Variants in SUSD6 observed in about 807,000 individuals in gnomAD.
SUSD6 encodes sushi domain containing 6, also known as sushi domain-containing protein 6.
In SUSD6, 16 loss-of-function variants were observed where a neutral mutation model predicts 28.4. That is an observed-to-expected ratio of 0.56 (90% confidence interval 0.38 to 0.86). SUSD6 has a LOEUF of 0.86. SUSD6 is among the 40% of genes least tolerant of loss of function. The probability of loss-of-function intolerance (pLI) is 0.00; values close to 1 mark genes in which losing one functional copy is unlikely to be tolerated. For missense variants in SUSD6, 341 were observed against 384.2 expected (o/e 0.89, Z 0.94); for synonymous variants, 147 against 159.6 (o/e 0.92, Z 0.59).
In SUSD6 at chr14:69,711,015, C is replaced by CT. The variant is rs759153412; in HGVS notation, c.*37dup. Reference sequence around the variant, plus strand: ...CAGCCTTTCCTCTCTGCGAGGTTCTCTCAGCCCTTCCTCCCTCTCCCTGTG... The same window carrying CT: ...CAGCCTTTCCTCTCTGCGAGGTTCTCTTCAGCCCTTCCTCCCTCTCCCTGTG... On this transcript the variant is annotated 3_prime_UTR_variant, in exon 6 of 6. Transcript: ENST00000342745. 6.2e-7 allele frequency: 1 copy of CT among 1,609,996 alleles called. No homozygotes were observed. The highest frequency in any genetic ancestry group is 8.5e-7 in the Non-Finnish European group (1 of 1,176,230).
chr14:69,692,875 A>G (rs185425720), intron 2 of SUSD6, among the ~76,000 whole-genome samples: 296 of 152,334 alleles, frequency 1.9e-3, no homozygotes, highest in Non-Finnish European at 2.5e-3. Flanking sequence ...TGAGAGGACC[A>G]GTCATCTCCT....
intron 2 of SUSD6, among the ~76,000 whole-genome samples, chr14:69,688,033 C>T (rs1425973508): frequency 6.6e-6 from 1 of 152,002 alleles, no homozygotes; most frequent in African/African-American, 2.4e-5. Flanking sequence ...ATTTGTATGC[C>T]CTTTTCTAAT....
chr14:69,694,778 C>T (rs1034952420), intron 2 of SUSD6, among the ~76,000 whole-genome samples: 7 of 152,184 alleles, frequency 4.6e-5, no homozygotes, highest in African/African-American at 1.7e-4. Context: ...TGGCATTTTC[C>T]CTCTCCTGTG....
chr14:69,619,947 AAC>A, intron 1 of SUSD6, among the ~76,000 whole-genome samples: 1 of 152,212 alleles, frequency 6.6e-6, no homozygotes. Context: ...ATGCAGCGTG[AAC>A]ACACATCTAT....
At chr14:69,626,900 G>T (rs1261262008) in intron 1 of SUSD6, among the ~76,000 whole-genome samples, 1 of 151,528 alleles carries the variant, frequency 6.6e-6, no homozygotes. Context: ...CCCCAGGTTG[G>T]TCTTGAAGCC....
In SUSD6 at chr14:69,711,017, C is replaced by T. The variant is rs770892211; in HGVS notation, c.*38C>T. 1.9e-6 allele frequency: 3 copies of T among 1,609,000 alleles called. No individual in the cohort carries two copies. Among genetic ancestry groups the T allele is most frequent in the African/African-American group, 2.7e-5 (2 of 74,810 alleles). On this transcript the variant is annotated 3_prime_UTR_variant, in exon 6 of 6. Transcript: ENST00000342745. The stretch of plus-strand genomic sequence containing the variant: ...GCCTTTCCTCTCTGCGAGGTTCTCT[C>T]AGCCCTTCCTCCCTCTCCCTGTGGG...
At chr14:69,655,785 CCT>C (rs1245657902) in intron 1 of SUSD6, among the ~76,000 whole-genome samples, 3 of 152,072 alleles carry the variant, frequency 2.0e-5, no homozygotes, top group African/African-American at 7.2e-5. Flanking sequence ...AGAGTGAGAC[CCT>C]GTCTTTTAAA....
At chr14:69,682,151 G>A (rs931261620) in intron 2 of SUSD6, among the ~76,000 whole-genome samples, 25 of 152,038 alleles carry the variant, frequency 1.6e-4, no homozygotes, top group African/African-American at 5.3e-4. Context: ...GGGCAATACA[G>A]CGAGGCCCCA....
At chr14:69,638,457 T>TGTGC (rs1885298521) in intron 1 of SUSD6, among the ~76,000 whole-genome samples, 3 of 149,748 alleles carry the variant, frequency 2.0e-5, no homozygotes, top group Non-Finnish European at 4.5e-5. Flanking sequence ...TGTGTGTGTG[T>TGTGC]GTAATTGTGT....
intron 2 of SUSD6, 30 bp from the exon 3 acceptor site, chr14:69,703,365 T>G (rs1165578668): frequency 6.3e-7 from 1 of 1,588,660 alleles, no homozygotes; most frequent in Non-Finnish European, 8.6e-7. Flanking sequence ...ACCTCACCAC[T>G]GTACCCCTGC....
intron 1 of SUSD6, among the ~76,000 whole-genome samples, chr14:69,650,681 G>A (rs1329025564): frequency 1.3e-5 from 2 of 152,072 alleles, no homozygotes; most frequent in Admixed American, 6.6e-5. Flanking sequence ...GTTCTCTCTT[G>A]CCTTCTCTCT....
At chr14:69,668,338 T>A (rs1462368454) in intron 2 of SUSD6, among the ~76,000 whole-genome samples, 1 of 152,078 alleles carries the variant, frequency 6.6e-6, no homozygotes, top group Non-Finnish European at 1.5e-5. Flanking sequence ...TTATATAGTT[T>A]GAAAGTATAT....
chr14:69,634,469 C>T (rs1345207002), intron 1 of SUSD6, among the ~76,000 whole-genome samples: 2 of 152,208 alleles, frequency 1.3e-5, no homozygotes. Context: ...GCAGTATCCT[C>T]CACTTCTGAC....
chr14:69,704,774 G>C (rs1886363999), intron 4 of SUSD6, 32 bp downstream of exon 4: 1 of 1,608,754 alleles, frequency 6.2e-7, no homozygotes. Context: ...ACATGAGACA[G>C]GCAGGTGCAA....
At position 69,666,861 on chromosome 14, in the gene SUSD6, C is replaced by T. The variant is rs540956076; in HGVS notation, c.121+8148C>T. On this transcript the variant is annotated intron_variant, in intron 2 of 5. Transcript: ENST00000342745. ...AATCACAAAAGTATTTTTGGTATTT[C>T]AGTGGGGAGGGGGCACAAAATGTGT... 2.0e-4 allele frequency among the ~76,000 whole-genome samples: 30 copies of T among 151,920 alleles called. No individual in the cohort carries two copies. The East Asian group carries it at 5.4e-3, about 27-fold the overall frequency.
chr14:69,649,286 G>A (rs1171330735), intron 1 of SUSD6, among the ~76,000 whole-genome samples: 1 of 152,186 alleles, frequency 6.6e-6, no homozygotes, highest in Admixed American at 6.5e-5. Context: ...AGTCATTGGA[G>A]ACACAGAGCC....
chr14:69,670,097 A>G lies in SUSD6; in HGVS notation c.121+11384A>G, dbSNP rs114323653. The stretch of plus-strand genomic sequence containing the variant: ...GGGGCAGATTGGGTTTTGTATTTTC[A>G]TGAGTGTTAACTCCTTAAGCAAGTA... On this transcript the variant is annotated intron_variant, in intron 2 of 5. Transcript: ENST00000342745. 8.5e-3 allele frequency among the ~76,000 whole-genome samples: 1,291 copies of G among 152,256 alleles called. 13 individuals carry two copies. The highest frequency in any genetic ancestry group is 0.029 in the African/African-American group (1,223 of 41,538).
At chr14:69,629,603 C>T (rs1371290690) in intron 1 of SUSD6, among the ~76,000 whole-genome samples, 1 of 152,238 alleles carries the variant, frequency 6.6e-6, no homozygotes, top group Non-Finnish European at 1.5e-5. Context: ...CTTGCAGATG[C>T]TCCTTTTCCT....
intron 1 of SUSD6, among the ~76,000 whole-genome samples, chr14:69,643,128 G>A (rs558032608): frequency 8.5e-5 from 13 of 152,262 alleles, no homozygotes; most frequent in Non-Finnish European, 1.5e-4. Context: ...TTACTGCCCT[G>A]TGCTGCCTGT....
Sources: allele counts gnomAD v4.1 joint callset (sites outside exome capture counted in the v4.1 genomes callset), GRCh38; gene constraint gnomAD v4.1.1; transcripts MANE v1.5; gene names NCBI Gene and HGNC (gene_info 2026-07-23, HGNC 2026-07-21).